Variants in ST7L observed in about 807,000 individuals in gnomAD.
ST7L encodes suppression of tumorigenicity 7 like, also known as suppressor of tumorigenicity 7 protein-like.
Under a neutral mutation model 72.5 loss-of-function variants are expected in ST7L, and 57 were observed. The observed-to-expected ratio is 0.79, with a 90% confidence interval of 0.64 to 0.98. ST7L has a LOEUF of 0.98. Ranked by LOEUF, ST7L falls within the 50% of genes least tolerant of loss-of-function variation. ST7L has a pLI of 0.00. For missense variants in ST7L, 576 were observed against 672.2 expected (o/e 0.86, Z 1.58); for synonymous variants, 221 against 240.9 (o/e 0.92, Z 0.77).
chr1:112,579,928 A>G (rs1455134709), intron 9 of ST7L, among the ~76,000 whole-genome samples: 2 of 152,250 alleles, frequency 1.3e-5, no homozygotes, highest in Non-Finnish European at 2.9e-5. Flanking sequence ...CATAAGTATT[A>G]TAAGCAGGCC....
At chr1:112,548,229 G>A (rs1657490586) in intron 13 of ST7L, among the ~76,000 whole-genome samples, 2 of 152,056 alleles carry the variant, frequency 1.3e-5, no homozygotes, top group South Asian at 4.1e-4. Context: ...GTGATGGTGG[G>A]TGCCTGTAAT....
chr1:112,568,023 A>G (rs556232954), intron 11 of ST7L, among the ~76,000 whole-genome samples: 6 of 152,298 alleles, frequency 3.9e-5, no homozygotes, highest in African/African-American at 1.4e-4. Context: ...ACATTCAGGG[A>G]TCTAACGTTT....
At chr1:112,609,476 A>T (rs1256669991) in intron 3 of ST7L, among the ~76,000 whole-genome samples, 2 of 150,466 alleles carry the variant, frequency 1.3e-5, no homozygotes, top group African/African-American at 4.9e-5. Flanking sequence ...GGTCGCAGTG[A>T]GCTGAGATTG....
intron 5 of ST7L, 70 bp from the exon 6 acceptor site, chr1:112,591,673 G>A (rs933558932): frequency 1.1e-5 from 13 of 1,167,030 alleles, no homozygotes; most frequent in Non-Finnish European, 1.6e-5. Flanking sequence ...GAAGAATAAG[G>A]TAGTGGAGTA....
intron 2 of ST7L, among the ~76,000 whole-genome samples, chr1:112,613,111 A>G (rs1669320980): frequency 6.6e-6 from 1 of 151,526 alleles, no homozygotes; most frequent in Non-Finnish European, 1.5e-5. Flanking sequence ...AGAGTAAAAC[A>G]CTGTTTCGAA....
intron 3 of ST7L, among the ~76,000 whole-genome samples, chr1:112,604,864 T>A (rs1479307789): frequency 7.1e-6 from 1 of 140,404 alleles, no homozygotes; most frequent in Non-Finnish European, 1.5e-5. Context: ...GGCGGGTGGA[T>A]CACCTGAGGT....
chr1:112,529,862 T>G (rs1399348948), intron 14 of ST7L: 1 of 152,194 alleles, frequency 6.6e-6, no homozygotes, highest in Non-Finnish European at 1.5e-5. Context: ...TACATCTTTT[T>G]TCTGGGAACC....
chr1:112,597,490 A>C (rs1666653789), intron 5 of ST7L, among the ~76,000 whole-genome samples: 1 of 152,218 alleles, frequency 6.6e-6, no homozygotes, highest in African/African-American at 2.4e-5. Context: ...TAAGAGTCTC[A>C]ATACTCTCTT....
chr1:112,581,646 C>T (rs1664141663), intron 9 of ST7L, among the ~76,000 whole-genome samples: 1 of 152,034 alleles, frequency 6.6e-6, no homozygotes, highest in African/African-American at 2.4e-5. Flanking sequence ...CTCAAGTGAT[C>T]CTCCCACCTC....
chr1:112,554,030 T>C (rs1658689343), intron 12 of ST7L, among the ~76,000 whole-genome samples: 3 of 152,206 alleles, frequency 2.0e-5, no homozygotes, highest in African/African-American at 7.2e-5. Flanking sequence ...TTGAATATTG[T>C]ATTGTGTTTC....
At chr1:112,575,153 C>A (rs527902242) in intron 11 of ST7L, among the ~76,000 whole-genome samples, 1 of 152,108 alleles carries the variant, frequency 6.6e-6, no homozygotes, top group Non-Finnish European at 1.5e-5. Context: ...GCAGAAGAAT[C>A]GCTTGAACTC....
At chr1:112,599,073 A>AAAAAAATATATATAT (rs1190968815) in intron 4 of ST7L, among the ~76,000 whole-genome samples, 52 of 56,974 alleles carry the variant, frequency 9.1e-4, no homozygotes, top group East Asian at 1.9e-3. Flanking sequence ...AAAAAAAAAA[A>AAAAAAATATATATAT]ATATATATAT....
At chr1:112,526,166 G>A in intron 14 of ST7L, 55 bp from the exon 15 acceptor site, 2 of 1,610,312 alleles carry the variant, frequency 1.2e-6, no homozygotes, top group Non-Finnish European at 1.7e-6. Flanking sequence ...TCCCAGGACA[G>A]CCAAGAGAGT....
intron 11 of ST7L, among the ~76,000 whole-genome samples, chr1:112,561,681 T>C (rs1024684131): frequency 1.3e-5 from 2 of 151,992 alleles, no homozygotes; most frequent in African/African-American, 2.4e-5. Context: ...GGTTTCACCA[T>C]GTTGGTCAGG....
At chr1:112,593,919 A>G (rs796477266) in intron 5 of ST7L, among the ~76,000 whole-genome samples, 20 of 152,326 alleles carry the variant, frequency 1.3e-4, no homozygotes, top group African/African-American at 4.8e-4. Context: ...TGAAAAGATC[A>G]ATATGGAATC....
chr1:112,611,838 G>A (rs900810671), intron 2 of ST7L, among the ~76,000 whole-genome samples: 6 of 151,794 alleles, frequency 4.0e-5, no homozygotes, highest in Non-Finnish European at 8.8e-5. Flanking sequence ...GTGAGGTGGT[G>A]CATGCCTGCA....
At chr1:112,617,244 ACT>A (rs1488752887) in intron 1 of ST7L, 1 of 165,956 alleles carries the variant, frequency 6.0e-6, no homozygotes, top group Non-Finnish European at 1.3e-5. Flanking sequence ...ATACAAAACC[ACT>A]GTCTCAAATT....
intron 8 of ST7L, 103 bp from the exon 9 acceptor site, chr1:112,582,209 TGAA>T (rs1664232091): frequency 2.0e-6 from 2 of 977,430 alleles, no homozygotes; most frequent in Non-Finnish European, 3.1e-6. Flanking sequence ...ACCATAGCTG[TGAA>T]GAAGACCTAA....
intron 13 of ST7L, among the ~76,000 whole-genome samples, chr1:112,548,392 C>A (rs368349175): frequency 1.7e-4 from 26 of 152,008 alleles, no homozygotes; most frequent in Non-Finnish European, 2.4e-4. Context: ...TCCTGGCCTT[C>A]AAGGAGTTTA....
Sources: allele counts gnomAD v4.1 joint callset (sites outside exome capture counted in the v4.1 genomes callset), GRCh38; gene constraint gnomAD v4.1.1; transcripts MANE v1.5; gene names NCBI Gene and HGNC (gene_info 2026-07-23, HGNC 2026-07-21).